Variants in AKAP12 observed in about 807,000 individuals in gnomAD.
AKAP12 encodes A-kinase anchoring protein 12.
AKAP12 carries 32 observed loss-of-function variants against 79.9 expected under a neutral mutation model. The observed-to-expected ratio is 0.40, with a 90% CI of 0.30 to 0.54. The LOEUF is 0.54. AKAP12 is among the 20% of genes least tolerant of loss of function. The pLI is 0.48. For synonymous variants in AKAP12, 808 were observed against 857.0 expected, an observed-to-expected ratio of 0.94 and a Z score of 1.00; for missense variants, 2,074 against 2,177.0, an observed-to-expected ratio of 0.95 and a Z score of 0.94.
intron 2 of AKAP12, among the ~76,000 whole-genome samples, chr6:151,273,697 GA>G (rs1390964634): frequency 6.6e-6 from 1 of 152,136 alleles, no homozygotes; most frequent in Non-Finnish European, 1.5e-5. Flanking sequence ...ATATTTAATG[GA>G]AAAAGAATGG....
intron 2 of AKAP12, among the ~76,000 whole-genome samples, chr6:151,302,493 G>A (rs751621434): frequency 2.0e-5 from 3 of 152,090 alleles, no homozygotes; most frequent in Non-Finnish European, 4.4e-5. Context: ...GGAAATTTGT[G>A]CCTGTGTGCT....
intron 3 of AKAP12, among the ~76,000 whole-genome samples, chr6:151,314,199 TGTATTTTA>T (rs1313591308): frequency 6.6e-6 from 1 of 152,052 alleles, no homozygotes; most frequent in African/African-American, 2.4e-5. Flanking sequence ...AGCTAATTTT[TGTATTTTA>T]GTAGAGATGG....
chr6:151,350,553 AAG>A lies in AKAP12; in HGVS notation c.2166_2167del (p.Glu722AspfsTer14). On this transcript the variant is annotated frameshift_variant, in exon 4 of 5. Coordinates refer to ENST00000402676, the MANE Select transcript of AKAP12 (RefSeq NM_005100.4). LOFTEE classifies it high-confidence loss of function. The surrounding 1 kb of genome is among the most constrained non-coding windows in gnomAD (Gnocchi z 4.8). ...AAAGCTGATGAGGCCGGAAAAGACA[AAG>A]AGACGGGGACAGACGGGATCCTTGC... 1 of 1,614,126 alleles carries A rather than the reference AAG, an allele frequency of 6.2e-7. No homozygotes were observed. The highest frequency in any genetic ancestry group is 8.5e-7 in the Non-Finnish European group (1 of 1,180,034).
chr6:151,258,345 T>C (rs752018976), intron 2 of AKAP12, among the ~76,000 whole-genome samples: 2 of 152,180 alleles, frequency 1.3e-5, no homozygotes, highest in Non-Finnish European at 2.9e-5. Flanking sequence ...TCCCCAAAGC[T>C]TGTGATTCCT....
intron 3 of AKAP12, among the ~76,000 whole-genome samples, chr6:151,308,896 A>G (rs895310638): frequency 2.0e-5 from 3 of 152,058 alleles, no homozygotes; most frequent in African/African-American, 7.3e-5. Flanking sequence ...TTGTTTTGAG[A>G]CGGAGTCTTG....
At position 151,305,485 on chromosome 6, in the gene AKAP12, T is replaced by C. The variant is rs887619137; in HGVS notation, c.163-262T>C. Among the ~76,000 whole-genome samples, 3 of 152,158 alleles carry C rather than the reference T, an allele frequency of 2.0e-5. 1 individual carries two copies. Among genetic ancestry groups the C allele is most frequent in the Admixed American group, 2.0e-4 (3 of 15,272 alleles). ...TTTGAAATAGGTCTGGAAAGGTGAA[T>C]GTATGTATCTGGTGTTCCAATGAAT... is the stretch of plus-strand genomic sequence containing the variant. On this transcript the variant is annotated intron_variant, in intron 2 of 4. Coordinates refer to ENST00000402676, the MANE Select transcript of AKAP12 (RefSeq NM_005100.4).
At chr6:151,258,503 TAAG>T (rs1255572842) in intron 2 of AKAP12, among the ~76,000 whole-genome samples, 5 of 152,210 alleles carry the variant, frequency 3.3e-5, no homozygotes, top group Non-Finnish European at 7.3e-5. Flanking sequence ...ACTAAACTTT[TAAG>T]AAGGTTGTTT....
At chr6:151,283,874 A>G (rs1002251151) in intron 2 of AKAP12, among the ~76,000 whole-genome samples, 2 of 152,140 alleles carry the variant, frequency 1.3e-5, no homozygotes, top group Non-Finnish European at 2.9e-5. Flanking sequence ...GACATTTCAC[A>G]TCGACCCATT....
At chr6:151,300,636 G>T (rs984966696) in intron 2 of AKAP12, among the ~76,000 whole-genome samples, 4 of 152,108 alleles carry the variant, frequency 2.6e-5, no homozygotes, top group Non-Finnish European at 4.4e-5. Flanking sequence ...TGGTGCCTTG[G>T]CTACCACTTG....
chr6:151,250,367 CGCCT>C, intron 2 of AKAP12, among the ~76,000 whole-genome samples: 1 of 151,754 alleles, frequency 6.6e-6, no homozygotes, highest in Admixed American at 6.6e-5. Context: ...GGTGTGGTGG[CGCCT>C]GCCTGTAGTC....
chr6:151,300,464 C>T (rs1776841864), intron 2 of AKAP12, among the ~76,000 whole-genome samples: 1 of 152,122 alleles, frequency 6.6e-6, no homozygotes, highest in Non-Finnish European at 1.5e-5. Flanking sequence ...GTTGGCTTAC[C>T]TCCTCTGCCC....
At chr6:151,289,081 AGTAGAT>A (rs1776563643) in intron 2 of AKAP12, among the ~76,000 whole-genome samples, 2 of 152,162 alleles carry the variant, frequency 1.3e-5, no homozygotes, top group East Asian at 3.8e-4. Flanking sequence ...TTTTGTTTTT[AGTAGAT>A]ATTGCTGGAC....
intron 2 of AKAP12, among the ~76,000 whole-genome samples, chr6:151,250,772 A>AT (rs1253063559): frequency 6.6e-6 from 1 of 151,510 alleles, no homozygotes. Context: ...CGCCCGGCTA[A>AT]TTTTTTGTAT....
Position 151,350,060 on chromosome 6 carries a change from A to G in AKAP12, c.1669A>G (p.Ser557Gly), listed in dbSNP as rs1216117996. Residue 557 changes from serine (S) to glycine (G), a missense_variant, in exon 4 of 5, where the codon AGC becomes GGC. Ser to Gly is a moderately conservative substitution (Grantham distance 56). Coordinates refer to ENST00000402676, the MANE Select transcript of AKAP12 (RefSeq NM_005100.4). The surrounding 1 kb of genome is among the most constrained non-coding windows in gnomAD (Gnocchi z 4.8). ...HTQVPADSPDSQEEQKGESSA... is the reference protein window; with the variant it reads ...HTQVPADSPDGQEEQKGESSA... Reference sequence around the variant, plus strand: ...TCAGGTTCCAGCCGATTCTCCGGACAGCCAGGAGGAGCAAAAGGGCGAGAG... The same window carrying G: ...TCAGGTTCCAGCCGATTCTCCGGACGGCCAGGAGGAGCAAAAGGGCGAGAG... 2 of 1,614,158 alleles carry G rather than the reference A, an allele frequency of 1.2e-6. 1 individual carries two copies. The highest frequency in any genetic ancestry group is 2.2e-5 in the South Asian group (2 of 91,072).
At chr6:151,255,226 C>T (rs2114690227) in intron 2 of AKAP12, among the ~76,000 whole-genome samples, 1 of 151,718 alleles carries the variant, frequency 6.6e-6, no homozygotes, top group Middle Eastern at 3.4e-3. Flanking sequence ...AGTGCAGTGG[C>T]ACGATCTCGG....
intron 2 of AKAP12, among the ~76,000 whole-genome samples, chr6:151,260,091 A>G (rs79102297): frequency 0.057 from 8,662 of 152,214 alleles, 292 homozygotes; most frequent in African/African-American, 0.089. Context: ...TGCATATAGA[A>G]ATATAAACAT....
At chr6:151,326,830 T>TTTG (rs1777542081) in intron 3 of AKAP12, among the ~76,000 whole-genome samples, 1 of 152,036 alleles carries the variant, frequency 6.6e-6, no homozygotes, top group African/African-American at 2.4e-5. Flanking sequence ...TTTTTGTTTG[T>TTTG]TTTTTGAGAT....
At chr6:151,279,910 T>C (rs1776365034) in intron 2 of AKAP12, among the ~76,000 whole-genome samples, 3 of 152,174 alleles carry the variant, frequency 2.0e-5, no homozygotes, top group South Asian at 4.1e-4. Flanking sequence ...TAAATATCTT[T>C]TTTTAAGCAT....
rs918799877 is a variant in AKAP12 at position 151,278,800 on chromosome 6, T to C, written c.163-26947T>C. Among the ~76,000 whole-genome samples, 4 of 152,054 alleles carry C rather than the reference T, an allele frequency of 2.6e-5. No individual in the cohort carries two copies. In the East Asian group the frequency reaches 5.8e-4, roughly 22 times the overall value. On this transcript the variant is annotated intron_variant, in intron 2 of 4. Coordinates refer to ENST00000402676, the MANE Select transcript of AKAP12 (RefSeq NM_005100.4). ...CTCCTGCCTCAGCCTCCCGAGTAGC[T>C]GGGAGTACAGGCACCTGCCACCATG...
Sources: gnomAD v4.1 joint callset for allele counts (sites outside exome capture counted in the v4.1 genomes callset) on GRCh38, gnomAD v4.1.1 for gene constraint, Gnocchi (gnomAD v3.1) non-coding constraint, MANE v1.5 for transcripts, NCBI Gene and HGNC (gene_info 2026-07-23, HGNC 2026-07-21) for gene names.